PCDHA11: variants seen among roughly 807,000 people sequenced by gnomAD.
The protein encoded by PCDHA11 is protocadherin alpha 11.
PCDHA11 carries 61 observed loss-of-function variants against 70.3 expected under a neutral mutation model. The ratio of observed to expected loss-of-function variants is 0.87; its 90% CI spans 0.71 to 1.07. PCDHA11 has a LOEUF of 1.07. PCDHA11 is among the 50% of genes least tolerant of loss of function. PCDHA11 has a pLI of 0.00. For missense variants in PCDHA11, 1,324 were observed against 1,237.5 expected, an observed-to-expected ratio of 1.07 and a Z score of -1.05; for synonymous variants, 633 against 555.1, an observed-to-expected ratio of 1.14 and a Z score of -1.97.
At chr5:140,945,372 T>C (rs1554216918) in intron 1 of PCDHA11, among the ~76,000 whole-genome samples, 1 of 152,088 alleles carries the variant, frequency 6.6e-6, no homozygotes, top group Non-Finnish European at 1.5e-5. Flanking sequence ...AATGTCCATA[T>C]TACCCAAAGC....
chr5:141,004,094 G>A (rs962663466), intron 3 of PCDHA11, among the ~76,000 whole-genome samples: 1 of 152,194 alleles, frequency 6.6e-6, no homozygotes, highest in Non-Finnish European at 1.5e-5. Context: ...TGCTTCTTCC[G>A]TTTTCATCTT....
At position 141,009,692 on chromosome 5, in the gene PCDHA11, A is replaced by G. The variant is rs2098413739; in HGVS notation, c.2605A>G (p.Lys869Glu). The G allele has an allele frequency of 6.2e-7, 1 of 1,613,856 alleles. No homozygotes were observed. Among genetic ancestry groups the G allele is most frequent in the African/African-American group, 1.3e-5 (1 of 74,858 alleles). The stretch of plus-strand genomic sequence containing the variant: ...TGTCAACAGCAACAGCTGGACCTTT[A>G]AATACGGACCAGGCAACCCCAAACA... The part of the protein sequence containing the change: ...AGVNSNSWTF[K>E]YGPGNPKQSG... Residue 869 changes from lysine to glutamate, a missense_variant, in exon 4 of 4, where the codon AAA (lysine) becomes GAA (glutamate). Physicochemically the swap from Lys to Glu is moderately conservative, Grantham distance 56. Transcript: ENST00000398640.
At chr5:140,952,721 G>A (rs781821007) in intron 1 of PCDHA11, among the ~76,000 whole-genome samples, 1 of 152,100 alleles carries the variant, frequency 6.6e-6, no homozygotes, top group Non-Finnish European at 1.5e-5. Context: ...TCAATTTTCT[G>A]TACTAGTCTT....
At chr5:140,889,113 G>C (rs1256051132) in intron 1 of PCDHA11, among the ~76,000 whole-genome samples, 1 of 151,370 alleles carries the variant, frequency 6.6e-6, no homozygotes, top group East Asian at 1.9e-4. Context: ...TTTATTCCAG[G>C]TGATACTGAT....
intron 1 of PCDHA11, among the ~76,000 whole-genome samples, chr5:140,962,524 G>T (rs1410879766): frequency 6.6e-6 from 1 of 152,012 alleles, no homozygotes; most frequent in Non-Finnish European, 1.5e-5. Flanking sequence ...TAATATATTA[G>T]TTTTTTAGAA....
intron 1 of PCDHA11, among the ~76,000 whole-genome samples, chr5:140,895,297 T>TC (rs1269688627): frequency 1.3e-5 from 2 of 152,118 alleles, no homozygotes; most frequent in African/African-American, 2.4e-5. Context: ...ACCTTCGATT[T>TC]CCCCCCTTCC....
In PCDHA11 at chr5:140,871,141, C is replaced by G; in HGVS notation, c.2038C>G (p.Arg680Gly). The change falls in exon 1 of 4, where the codon CGG becomes GGG. Residue 680 changes from arginine (R) to glycine (G), a missense_variant. Arg to Gly is a moderately radical substitution (Grantham distance 125, BLOSUM62 -2). Coordinates refer to ENST00000398640, the MANE Select transcript of PCDHA11 (RefSeq NM_018902.5). Reference protein sequence around the residue: ...ESGQAPKASSRTLAGAASPEA... With the variant: ...ESGQAPKASSGTLAGAASPEA... ...CGGACAGGCGCCAAAGGCCTCTTCCCGGACTTTGGCGGGCGCCGCGAGCCC... is the reference window on the plus strand; with the variant it reads ...CGGACAGGCGCCAAAGGCCTCTTCCGGGACTTTGGCGGGCGCCGCGAGCCC... The G allele has an allele frequency of 6.2e-7, 1 of 1,613,438 alleles. No homozygotes were observed. Among genetic ancestry groups the G allele is most frequent in the Non-Finnish European group, 8.5e-7 (1 of 1,179,920 alleles).
rs140058365 is a variant in PCDHA11 at position 140,928,379 on chromosome 5, G to A, written c.2392-50570G>A. 5.7e-4 allele frequency: 913 copies of A among 1,614,172 alleles called. 5 individuals are homozygous for A. The African/African-American group carries it at 0.01, about 18-fold the overall frequency. On this transcript the variant is annotated intron_variant, in intron 1 of 3. Transcript: ENST00000398640. ...ATCTCTGAAGGGCCATCAGCCTCTA[G>A]CTTGCTGGCAGTGGAATCATCCAGT...
chr5:140,970,210 C>G (rs184537292), intron 1 of PCDHA11, among the ~76,000 whole-genome samples: 1 of 152,190 alleles, frequency 6.6e-6, no homozygotes, highest in Non-Finnish European at 1.5e-5. Context: ...CTGAATTTAG[C>G]TTAAATGCAG....
chr5:140,916,142 T>C (rs868910993), intron 1 of PCDHA11, among the ~76,000 whole-genome samples: 2 of 151,944 alleles, frequency 1.3e-5, no homozygotes, highest in African/African-American at 4.8e-5. Context: ...GGCTGTTCAG[T>C]TGTGTTGTGG....
chr5:140,937,326 C>T (rs1287239556), intron 1 of PCDHA11, among the ~76,000 whole-genome samples: 1 of 152,164 alleles, frequency 6.6e-6, no homozygotes, highest in South Asian at 2.1e-4. Context: ...CGTGAGCCAC[C>T]GCGCCCGGCT....
intron 1 of PCDHA11, among the ~76,000 whole-genome samples, chr5:140,887,546 T>C (rs1554183101): frequency 1.3e-5 from 2 of 152,114 alleles, no homozygotes; most frequent in Non-Finnish European, 2.9e-5. Flanking sequence ...CCACCCCTCA[T>C]GGTTACTGTT....
intron 1 of PCDHA11, chr5:140,966,994 C>T: frequency 6.2e-7 from 1 of 1,604,620 alleles, no homozygotes; most frequent in Non-Finnish European, 8.5e-7. Context: ...GGCCGGGTTG[C>T]TTGCGCATCA....
rs185481644 is a variant in PCDHA11, at chr5:140,906,049, T to C, written c.2391+34555T>C. 1.7e-3 allele frequency among the ~76,000 whole-genome samples: 263 copies of C among 152,304 alleles called. 2 individuals are homozygous for C. Among genetic ancestry groups the C allele is most frequent in the African/African-American group, 5.9e-3 (247 of 41,562 alleles). ...TTCTTCTGTCTGCTTTTATTCTGGC[T>C]GCACTGGCAGCTGATTAGATCGCAC... On this transcript the variant is annotated intron_variant, in intron 1 of 3. Transcript: ENST00000398640.
At position 140,869,312 on chromosome 5, in the gene PCDHA11, C is replaced by G. The variant is rs782161322; in HGVS notation, c.209C>G (p.Thr70Arg). The G allele has an allele frequency of 8.7e-6, 14 of 1,613,636 alleles. No homozygotes were observed. The highest frequency in any genetic ancestry group is 3.3e-5 in the Admixed American group (2 of 59,998). The change falls in exon 1 of 4, where the codon ACA (threonine) becomes AGA (arginine). Residue 70 changes from threonine (T) to arginine (R), a missense_variant. Coordinates refer to ENST00000398640, the MANE Select transcript of PCDHA11 (RefSeq NM_018902.5). ...VQRLFRVASK[T>R]HGDLLEVNLQ... ...CGCCTGTTCCGGGTGGCGTCCAAAA[C>G]ACATGGGGACCTTCTGGAGGTAAAT...
chr5:140,977,564 A>G (rs2096766034), intron 1 of PCDHA11, among the ~76,000 whole-genome samples: 1 of 152,178 alleles, frequency 6.6e-6, no homozygotes, highest in African/African-American at 2.4e-5. Flanking sequence ...TTGCTAGCAG[A>G]TTGGTAGAAT....
chr5:140,994,142 G>A (rs550428204), intron 3 of PCDHA11, among the ~76,000 whole-genome samples: 21 of 152,298 alleles, frequency 1.4e-4, no homozygotes, highest in South Asian at 4.1e-4. Context: ...AATGCCCTAC[G>A]TAGGTAGGGT....
intron 1 of PCDHA11, among the ~76,000 whole-genome samples, chr5:140,934,913 G>A (rs1226804104): frequency 1.3e-5 from 2 of 152,062 alleles, no homozygotes; most frequent in African/African-American, 4.8e-5. Flanking sequence ...GAATAATTAT[G>A]GATTCACATA....
chr5:140,879,126 G>T (rs2057860982), intron 1 of PCDHA11, among the ~76,000 whole-genome samples: 2 of 152,182 alleles, frequency 1.3e-5, no homozygotes, highest in Admixed American at 1.3e-4. Context: ...GATTAGAGCA[G>T]GGGAGATTGT....
Sources: gnomAD v4.1 joint callset for allele counts (sites outside exome capture counted in the v4.1 genomes callset) on GRCh38, gnomAD v4.1.1 for gene constraint, MANE v1.5 for transcripts, NCBI Gene and HGNC (gene_info 2026-07-23, HGNC 2026-07-21) for gene names.